The following MEGF6 variants were observed in gnomAD, a reference collection of about 807,000 sequenced individuals.
MEGF6 encodes multiple EGF like domains 6.
A neutral mutation model predicts 207.1 loss-of-function variants in MEGF6; 184 were observed. That is an observed-to-expected ratio of 0.89 (90% confidence interval 0.79 to 1.00). The LOEUF is 1.00. Among genes scored for constraint, MEGF6 ranks in the 50% least tolerant of loss-of-function variants. The pLI, the probability that MEGF6 is intolerant of heterozygous loss-of-function variation, is 0.00. For missense variants in MEGF6, 2,282 were observed against 2,202.9 expected (o/e 1.04, Z -0.72); for synonymous variants, 1,038 against 910.0 (o/e 1.14, Z -2.53).
Position 3,561,579 on chromosome 1 carries a change from G to C in MEGF6, c.481+18246C>G, listed in dbSNP as rs368297842. On this transcript the variant is annotated intron_variant, in intron 4 of 36. Transcript: ENST00000356575. Reference sequence around the variant, plus strand: ...CCGCAGGGACAGAGTCACAGACCCGGGGGAGCTTGTGGGAGGCCCAGGAGC... The same window carrying C: ...CCGCAGGGACAGAGTCACAGACCCGCGGGAGCTTGTGGGAGGCCCAGGAGC... 6.6e-5 allele frequency among the ~76,000 whole-genome samples: 10 copies of C among 152,278 alleles called. No homozygotes were observed. In the East Asian group the frequency reaches 1.7e-3, roughly 26 times the overall value.
intron 4 of MEGF6, among the ~76,000 whole-genome samples, chr1:3,526,362 G>A (rs866159885): frequency 5.3e-5 from 8 of 151,850 alleles, no homozygotes; most frequent in Middle Eastern, 3.5e-3. Context: ...CCCAGCCACC[G>A]CAGTCCACGC....
intron 4 of MEGF6, among the ~76,000 whole-genome samples, chr1:3,530,415 C>T (rs1044181359): frequency 3.3e-5 from 5 of 152,218 alleles, no homozygotes; most frequent in Admixed American, 3.3e-4. Context: ...AAACCCCACA[C>T]TCCCTCCTCC....
intron 4 of MEGF6, among the ~76,000 whole-genome samples, chr1:3,570,830 C>T (rs535219411): frequency 6.6e-5 from 10 of 152,300 alleles, no homozygotes; most frequent in African/African-American, 2.4e-4. Flanking sequence ...GCTCAGGAGG[C>T]TAGTCATCCT....
intron 4 of MEGF6, among the ~76,000 whole-genome samples, chr1:3,543,940 G>A (rs1310718520): frequency 1.3e-5 from 2 of 152,212 alleles, no homozygotes; most frequent in Non-Finnish European, 2.9e-5. Flanking sequence ...GCATAAACAC[G>A]GCCGGCAGCC....
rs550998952 is a variant in MEGF6, at chr1:3,557,922, C to T, written c.481+21903G>A. Among the ~76,000 whole-genome samples, 18 of 152,296 alleles carry T rather than the reference C, an allele frequency of 1.2e-4. No homozygotes were observed. The South Asian group carries it at 1.2e-3, about 11-fold the overall frequency. ...CCACAGGCTCTCAGGAAACAAACATCGAAAGCTCAGCCCTATCGTGAGTGT... is the reference window on the plus strand; with the variant it reads ...CCACAGGCTCTCAGGAAACAAACATTGAAAGCTCAGCCCTATCGTGAGTGT... On this transcript the variant is annotated intron_variant, in intron 4 of 36. Coordinates refer to ENST00000356575, the MANE Select transcript of MEGF6 (RefSeq NM_001409.4).
chr1:3,617,091 A>G, the MEGF6 span, among the ~76,000 whole-genome samples: 1 of 149,932 alleles, frequency 6.7e-6, no homozygotes, highest in South Asian at 2.1e-4. Context: ...CAACCCTCCA[A>G]CCCCGGACAC....
intron 7 of MEGF6, among the ~76,000 whole-genome samples, chr1:3,512,797 G>A (rs1016340909): frequency 3.9e-5 from 6 of 152,084 alleles, no homozygotes; most frequent in African/African-American, 1.5e-4. Context: ...TGTCTTTATC[G>A]GCAGCGTGAA....
At chr1:3,602,636 AC>A in intron 1 of MEGF6, 36 bp from the exon 2 acceptor site, 1 of 1,569,990 alleles carries the variant, frequency 6.4e-7, no homozygotes, top group Non-Finnish European at 8.7e-7. Context: ...CGCCTCGGCC[AC>A]CCCCAGCCGG....
At chr1:3,490,711 G>GGTGGGGT in intron 36 of MEGF6, 122 bp from the exon 37 acceptor site, 1 of 1,184,130 alleles carries the variant, frequency 8.4e-7, no homozygotes, top group South Asian at 1.4e-5. Flanking sequence ...CCAGCAGGTG[G>GGTGGGGT]GTGGGGCCCA....
At chr1:3,491,502 T>A (rs976494590) in intron 35 of MEGF6, among the ~76,000 whole-genome samples, 2 of 150,510 alleles carry the variant, frequency 1.3e-5, no homozygotes, top group African/African-American at 4.9e-5. Flanking sequence ...GGGGCTCCCC[T>A]GTCTTAAGGC....
chr1:3,616,797 G>A, the MEGF6 span, among the ~76,000 whole-genome samples: 2 of 152,222 alleles, frequency 1.3e-5, no homozygotes, highest in Non-Finnish European at 2.9e-5. Flanking sequence ...AGCGTGGCGG[G>A]GGAGAACGGG....
At chr1:3,496,077 C>T in intron 29 of MEGF6, 59 bp from the exon 30 acceptor site, 1 of 1,461,292 alleles carries the variant, frequency 6.8e-7, no homozygotes, top group Non-Finnish European at 9.0e-7. Flanking sequence ...CCCGGTCAAC[C>T]CCGGAGTGGG....
intron 3 of MEGF6, among the ~76,000 whole-genome samples, chr1:3,580,496 C>T (rs374007068): frequency 3.9e-5 from 6 of 152,230 alleles, no homozygotes; most frequent in Admixed American, 1.3e-4. Flanking sequence ...CCAGGGAAAG[C>T]GAGGCCAGGG....
rs1369753604 is a variant in MEGF6 at position 3,500,542 on chromosome 1, A to C, written c.2707+91T>G. On this transcript the variant is annotated intron_variant, in intron 21 of 36. Coordinates refer to ENST00000356575, the MANE Select transcript of MEGF6 (RefSeq NM_001409.4). ...CGTGTGTGTGCGTGCAGGAGGGAGT[A>C]CGGTCAAAGGCTTTGTGTGTGTGCA... 1.0e-5 allele frequency: 15 copies of C among 1,448,306 alleles called. No homozygotes were observed. The East Asian group carries it at 3.8e-4, about 36-fold the overall frequency. 89.7% of individuals were successfully genotyped at this position (1,448,306 alleles called of 1,614,324 possible).
rs200661732 is a variant in MEGF6, at chr1:3,602,607, C to G, written c.132-7G>C. 2.4e-5 allele frequency: 38 copies of G among 1,601,204 alleles called. 1 individual carries two copies. The highest frequency in any genetic ancestry group is 1.9e-4 in the Admixed American group (11 of 58,872). ...CTCAGCACACACGTGGGGCCTGGAACAGAGACACGGAGAGTCAGCGCCTCG... is the reference window on the plus strand; with the variant it reads ...CTCAGCACACACGTGGGGCCTGGAAGAGAGACACGGAGAGTCAGCGCCTCG... On this transcript the variant is annotated splice_region_variant and splice_polypyrimidine_tract_variant and intron_variant, in intron 1 of 36. Coordinates refer to ENST00000356575, the MANE Select transcript of MEGF6 (RefSeq NM_001409.4).
chr1:3,552,469 G>A (rs568792411), intron 4 of MEGF6, among the ~76,000 whole-genome samples: 37 of 152,372 alleles, frequency 2.4e-4, no homozygotes, highest in African/African-American at 8.4e-4. Context: ...GGCCCAGGCC[G>A]GAGGATCTAT....
intron 11 of MEGF6, 90 bp downstream of exon 11, chr1:3,509,780 T>A (rs1396502791): frequency 7.0e-7 from 1 of 1,426,694 alleles, no homozygotes; most frequent in African/African-American, 1.5e-5. Context: ...CAGGTGGGGG[T>A]GGGGTGGGCC....
rs1643141043 is a variant in MEGF6 at position 3,559,853 on chromosome 1, T to C, written c.481+19972A>G. Among the ~76,000 whole-genome samples, 12 of 151,496 alleles carry C rather than the reference T, an allele frequency of 7.9e-5. No homozygotes were observed. The South Asian group carries it at 2.5e-3, about 32-fold the overall frequency. Reference sequence around the variant, plus strand: ...GGTGAAACCCCATCTCTACTAAAAATACAAAAAATTAGCTGGGCATGGTGG... The same window carrying C: ...GGTGAAACCCCATCTCTACTAAAAACACAAAAAATTAGCTGGGCATGGTGG... On this transcript the variant is annotated intron_variant, in intron 4 of 36. Coordinates refer to ENST00000356575, the MANE Select transcript of MEGF6 (RefSeq NM_001409.4).
upstream of MEGF6, among the ~76,000 whole-genome samples, chr1:3,614,192 A>T (rs1272876283): frequency 6.6e-6 from 1 of 152,192 alleles, no homozygotes; most frequent in African/African-American, 2.4e-5. Flanking sequence ...CTTCTCTGAC[A>T]GGCAGGCCCC....
Sources: allele counts gnomAD v4.1 joint callset (sites outside exome capture counted in the v4.1 genomes callset), GRCh38; gene constraint gnomAD v4.1.1; transcripts MANE v1.5; gene names NCBI Gene and HGNC (gene_info 2026-07-23, HGNC 2026-07-21).